Variants in UNC13C observed in about 807,000 individuals in gnomAD.
The protein encoded by UNC13C is protein unc-13 homolog C.
UNC13C carries 174 observed loss-of-function variants against 245.4 expected under a neutral mutation model. The observed-to-expected ratio is 0.71, with a 90% CI of 0.63 to 0.80. The LOEUF is 0.80. Ranked by LOEUF, UNC13C falls within the 30% of genes least tolerant of loss-of-function variation. The pLI, the probability that UNC13C is intolerant of heterozygous loss-of-function variation, is 0.00. For synonymous variants in UNC13C, 992 were observed against 895.1 expected (o/e 1.11, Z -1.93); for missense variants, 2,829 against 2,602.9 (o/e 1.09, Z -1.89).
At chr15:54,101,707 A>T (rs143407341) in intron 2 of UNC13C, among the ~76,000 whole-genome samples, 1 of 152,048 alleles carries the variant, frequency 6.6e-6, no homozygotes, top group East Asian at 1.9e-4. Context: ...CAGCCTCCTG[A>T]GTAGCTGGGA....
At chr15:54,086,696 A>G (rs1245475107) in intron 2 of UNC13C, among the ~76,000 whole-genome samples, 2 of 147,184 alleles carry the variant, frequency 1.4e-5, no homozygotes, top group Non-Finnish European at 3.0e-5. Context: ...TTGTAACATT[A>G]CCATTTATTT....
intron 19 of UNC13C, among the ~76,000 whole-genome samples, chr15:54,426,910 T>C (rs72734794): frequency 0.12 from 17,612 of 151,738 alleles, 1,101 homozygotes; most frequent in Non-Finnish European, 0.14. Context: ...GCTCAAATAT[T>C]AGCTTTGGTG....
At chr15:54,494,031 C>G (rs917286169) in intron 19 of UNC13C, among the ~76,000 whole-genome samples, 10 of 151,674 alleles carry the variant, frequency 6.6e-5, no homozygotes, top group African/African-American at 2.4e-4. Context: ...ATTTTCTCTC[C>G]TTTTCAACTA....
At chr15:54,327,553 A>G (rs972408578) in intron 14 of UNC13C, among the ~76,000 whole-genome samples, 4 of 152,128 alleles carry the variant, frequency 2.6e-5, no homozygotes, top group Non-Finnish European at 5.9e-5. Context: ...ATTACAGCTG[A>G]CAAAGTTAAA....
At position 54,128,891 on chromosome 15, in the gene UNC13C, C is replaced by T. The variant is rs549117177; in HGVS notation, c.2984-14127C>T. ...AACCTCCTTAGTACTGAGAAGTGGT[C>T]AAAGTCCTGACTCTCAACTAGGCCT... On this transcript the variant is annotated intron_variant, in intron 2 of 32. Coordinates refer to ENST00000260323, the MANE Select transcript of UNC13C (RefSeq NM_001080534.3). 2.0e-5 allele frequency among the ~76,000 whole-genome samples: 3 copies of T among 152,254 alleles called. No homozygotes were observed. The South Asian group carries it at 6.2e-4, about 32-fold the overall frequency.
chr15:54,487,021 C>T (rs1893450028), intron 19 of UNC13C, among the ~76,000 whole-genome samples: 1 of 151,046 alleles, frequency 6.6e-6, no homozygotes, highest in Admixed American at 6.6e-5. Flanking sequence ...TGGAACATAC[C>T]TCATAGATCA....
At chr15:54,212,195 C>G (rs17818254) in intron 4 of UNC13C, among the ~76,000 whole-genome samples, 28,146 of 151,988 alleles carry the variant, frequency 0.19, 3,178 homozygotes, top group Middle Eastern at 0.3. Context: ...GTGAAATAAT[C>G]ACAAAATGGT....
chr15:54,033,382 TTAAA>T (rs1896445537), intron 2 of UNC13C, among the ~76,000 whole-genome samples: 1 of 152,190 alleles, frequency 6.6e-6, no homozygotes, highest in Non-Finnish European at 1.5e-5. Flanking sequence ...ATTTTTTTAA[TTAAA>T]TGACAAGAAA....
intron 24 of UNC13C, among the ~76,000 whole-genome samples, 177 bp from the exon 25 acceptor site, chr15:54,525,372 C>T (rs1318973374): frequency 6.9e-6 from 1 of 144,552 alleles, no homozygotes; most frequent in Non-Finnish European, 1.5e-5. Flanking sequence ...CCCTTGGTTT[C>T]TTTAAAGTTT....
At position 54,520,115 on chromosome 15, in the gene UNC13C, G is replaced by T. The variant is rs149130106; in HGVS notation, c.5458-5434G>T. On this transcript the variant is annotated intron_variant, in intron 24 of 32. Transcript: ENST00000260323. ...TATTACACCAGTTAGGAGGATGAAG[G>T]GGGGAAACAGGAAATAGGAACACAA... Among the ~76,000 whole-genome samples, 600 of 152,194 alleles carry T rather than the reference G, an allele frequency of 3.9e-3. 6 individuals are homozygous for T. The highest frequency in any genetic ancestry group is 0.014 in the African/African-American group (564 of 41,508).
chr15:54,514,287 A>C (rs1894874133), intron 24 of UNC13C, among the ~76,000 whole-genome samples: 1 of 152,220 alleles, frequency 6.6e-6, no homozygotes, highest in Non-Finnish European at 1.5e-5. Context: ...AGACATGTTC[A>C]GGGGCCTTTA....
intron 2 of UNC13C, among the ~76,000 whole-genome samples, chr15:54,020,513 G>C (rs556455947): frequency 2.8e-5 from 4 of 143,764 alleles, no homozygotes; most frequent in Admixed American, 7.3e-5. Context: ...TCGAACTCCT[G>C]ACCTCGTGAT....
At chr15:54,048,499 G>A in intron 2 of UNC13C, 1 of 599,432 alleles carries the variant, frequency 1.7e-6, no homozygotes, top group South Asian at 1.5e-5. Flanking sequence ...CCTCCTGTAT[G>A]TTTCCACTAA....
At chr15:54,202,012 C>T (rs1167916748) in intron 4 of UNC13C, among the ~76,000 whole-genome samples, 1 of 151,944 alleles carries the variant, frequency 6.6e-6, no homozygotes, top group African/African-American at 2.4e-5. Flanking sequence ...CTCTGCTATA[C>T]ACCAGCAATG....
At chr15:53,986,698 A>G (rs2140953837) in intron 1 of UNC13C, among the ~76,000 whole-genome samples, 1 of 152,186 alleles carries the variant, frequency 6.6e-6, no homozygotes, top group African/African-American at 2.4e-5. Flanking sequence ...CAGTTCAGTC[A>G]CATATTGCCT....
the UNC13C span, among the ~76,000 whole-genome samples, chr15:53,842,534 G>A: frequency 1.3e-5 from 2 of 152,132 alleles, no homozygotes; most frequent in Admixed American, 6.6e-5. Context: ...ATTAATTCAA[G>A]CCGGGCCACT....
At chr15:54,575,028 C>T (rs1315940230) in intron 30 of UNC13C, among the ~76,000 whole-genome samples, 1 of 151,874 alleles carries the variant, frequency 6.6e-6, no homozygotes, top group Non-Finnish European at 1.5e-5. Flanking sequence ...AGAAATATGT[C>T]ATTTATTTAT....
chr15:54,112,077 T>A (rs1900805855), intron 2 of UNC13C, among the ~76,000 whole-genome samples: 1 of 152,170 alleles, frequency 6.6e-6, no homozygotes. Context: ...TTAGGGAACC[T>A]GTGAAAATTT....
chr15:54,407,134 A>G (rs954249110), intron 18 of UNC13C, among the ~76,000 whole-genome samples: 2 of 152,318 alleles, frequency 1.3e-5, no homozygotes, highest in African/African-American at 2.4e-5. Flanking sequence ...TTAAAGCAGT[A>G]GTTAGAAATA....
Sources: allele counts gnomAD v4.1 joint callset (sites outside exome capture counted in the v4.1 genomes callset), GRCh38; gene constraint gnomAD v4.1.1; transcripts MANE v1.5; gene names NCBI Gene and HGNC (gene_info 2026-07-23, HGNC 2026-07-21).